CELF2: variants seen among roughly 807,000 people sequenced by gnomAD.
The protein encoded by CELF2 is CUG triplet repeat RNA-binding protein 2.
CELF2 carries 8 observed loss-of-function variants against 62.6 expected under a neutral mutation model. The observed-to-expected ratio is 0.13, with a 90% CI of 0.07 to 0.23. CELF2 has a LOEUF of 0.23. Ranked by LOEUF, CELF2 falls within the 10% of genes least tolerant of loss-of-function variation. The pLI is 1.00. For missense variants in CELF2, 333 were observed against 671.0 expected (o/e 0.50, Z 5.56); for synonymous variants, 258 against 250.0 (o/e 1.03, Z -0.30).
chr10:10,601,288 C>T, the CELF2 span, among the ~76,000 whole-genome samples: 27 of 152,274 alleles, frequency 1.8e-4, no homozygotes, highest in Admixed American at 5.2e-4. Context: ...TACAAAGTCA[C>T]TTAAAGTCAT....
chr10:11,233,161 A>G (rs1485444135), intron 3 of CELF2, among the ~76,000 whole-genome samples: 1 of 152,232 alleles, frequency 6.6e-6, no homozygotes, highest in Non-Finnish European at 1.5e-5. Flanking sequence ...ACTGATTTTT[A>G]AAAGGGCAGA....
chr10:10,878,283 C>T (rs540932840), intron 1 of CELF2, among the ~76,000 whole-genome samples: 22 of 152,324 alleles, frequency 1.4e-4, no homozygotes, highest in African/African-American at 4.3e-4. Context: ...CTTTCCTTTG[C>T]TTGGTTGAGG....
At chr10:10,898,986 A>T (rs569794275) in intron 1 of CELF2, among the ~76,000 whole-genome samples, 1 of 152,244 alleles carries the variant, frequency 6.6e-6, no homozygotes, top group African/African-American at 2.4e-5. Flanking sequence ...ACATTTCTGC[A>T]TAATGAATGG....
chr10:10,502,707 A>T, the CELF2 span, among the ~76,000 whole-genome samples: 4 of 151,712 alleles, frequency 2.6e-5, no homozygotes, highest in East Asian at 1.9e-4. Context: ...ATTGATTTTT[A>T]AAAAATAGCC....
At chr10:11,089,506 G>T (rs1307741478) in intron 1 of CELF2, among the ~76,000 whole-genome samples, 2 of 152,228 alleles carry the variant, frequency 1.3e-5, no homozygotes, top group African/African-American at 4.8e-5. Context: ...CCAAGAAGGG[G>T]AGGGACAGAC....
intron 1 of CELF2, among the ~76,000 whole-genome samples, chr10:11,045,484 C>G (rs958465131): frequency 6.6e-6 from 1 of 152,172 alleles, no homozygotes; most frequent in Non-Finnish European, 1.5e-5. Context: ...GGGTGAATAA[C>G]TGTAGCTACC....
At chr10:10,716,959 C>A in the CELF2 span, among the ~76,000 whole-genome samples, 1 of 152,012 alleles carries the variant, frequency 6.6e-6, no homozygotes, top group African/African-American at 2.4e-5. Context: ...CAGATAAAGC[C>A]CAGATATCTA....
At chr10:11,203,746 C>T (rs914647438) in intron 2 of CELF2, among the ~76,000 whole-genome samples, 8 of 152,216 alleles carry the variant, frequency 5.3e-5, no homozygotes, top group Admixed American at 4.6e-4. Flanking sequence ...AAGTTTGTCA[C>T]TTTCTTCCCA....
intron 1 of CELF2, among the ~76,000 whole-genome samples, chr10:10,858,327 AAG>A (rs1260547255): frequency 2.0e-5 from 3 of 152,254 alleles, no homozygotes; most frequent in East Asian, 3.9e-4. Context: ...AAAGAGTAGC[AAG>A]AGAGAGAATA....
chr10:11,178,935 G>C lies in CELF2; in HGVS notation c.271+13253G>C, dbSNP rs766420433. Among the ~76,000 whole-genome samples, 7 of 152,192 alleles carry C rather than the reference G, an allele frequency of 4.6e-5. No homozygotes were observed. Among genetic ancestry groups the C allele is most frequent in the Admixed American group, 3.9e-4 (6 of 15,276 alleles). On this transcript the variant is annotated intron_variant, in intron 2 of 12. Coordinates refer to ENST00000633077, the MANE Select transcript of CELF2 (RefSeq NM_001326342.2). This position sits in a 1 kb window ranked among gnomAD's most constrained non-coding sequence, Gnocchi z 4.3. ...TATTTTTAGAACACTTCAAAGTCAG[G>C]AAACCGTTAAACCACACTGCATCCT... is the stretch of plus-strand genomic sequence containing the variant.
intron 1 of CELF2, among the ~76,000 whole-genome samples, chr10:10,868,256 G>A (rs2133304269): frequency 6.6e-6 from 1 of 152,294 alleles, no homozygotes; most frequent in African/African-American, 2.4e-5. Context: ...TGTTGGCTAG[G>A]GCTGCAGCTA....
At chr10:10,695,102 C>T in the CELF2 span, among the ~76,000 whole-genome samples, 4 of 149,128 alleles carry the variant, frequency 2.7e-5, no homozygotes, top group Admixed American at 6.7e-5. Flanking sequence ...TTCCTAGTCT[C>T]GATGGTCTTT....
At chr10:11,126,364 C>T (rs769107207) in intron 1 of CELF2, among the ~76,000 whole-genome samples, 7 of 152,108 alleles carry the variant, frequency 4.6e-5, no homozygotes, top group Non-Finnish European at 1.0e-4. Context: ...AAAGTAGAAA[C>T]ACAACCCTTG....
At chr10:10,813,659 G>C (rs1237919132) in intron 1 of CELF2, among the ~76,000 whole-genome samples, 2 of 152,188 alleles carry the variant, frequency 1.3e-5, no homozygotes, top group African/African-American at 2.4e-5. Flanking sequence ...CTCCATGAAA[G>C]CACATGGTCT....
In CELF2 at chr10:11,165,029, A is replaced by G. The variant is rs1048187497; in HGVS notation, c.75-457A>G. The G allele has an allele frequency of 1.2e-5, 9 of 751,466 alleles. No individual in the cohort carries two copies. The African/African-American group carries it at 1.8e-4, about 15-fold the overall frequency. The allele number at this position is 751,466 out of a possible 1,614,324, so 46.5% of individuals were successfully genotyped here. On this transcript the variant is annotated intron_variant, in intron 1 of 12. Transcript: ENST00000633077. The surrounding 1 kb of genome is among the most constrained non-coding windows in gnomAD (Gnocchi z 7.4). ...CTCTCCTCTCTTCCAAAAACCTCCC[A>G]AAAAGGGCGGTGGGGCGGGGGGCGG...
chr10:10,483,961 T>C, the CELF2 span, among the ~76,000 whole-genome samples: 1 of 138,576 alleles, frequency 7.2e-6, no homozygotes, highest in African/African-American at 2.8e-5. Context: ...TCTCTCTCTC[T>C]CCCATCTCTC....
chr10:11,100,421 A>G (rs935498924), intron 1 of CELF2, among the ~76,000 whole-genome samples: 7 of 151,656 alleles, frequency 4.6e-5, no homozygotes, highest in African/African-American at 1.7e-4. Context: ...TTTTGGTTAC[A>G]TGGATAAGTC....
rs56373613 is a variant in CELF2 at position 11,202,901 on chromosome 10, ATCTCTCTCTCTCTCTCTCTCTCTC to A, written c.272-14496_272-14473del. The stretch of plus-strand genomic sequence containing the variant: ...TGCCTGCCTTCCCACCCCCATCCTC[ATCTCTCTCTCTCTCTCTCTCTCTC>A]TCTCTCTCTCTCTCTCTCTCTCTCT... On this transcript the variant is annotated intron_variant, in intron 2 of 12. Coordinates refer to ENST00000633077, the MANE Select transcript of CELF2 (RefSeq NM_001326342.2). Among the ~76,000 whole-genome samples the A allele has an allele frequency of 9.9e-5, 7 of 70,990 alleles. No individual in the cohort carries two copies. In the South Asian group the frequency reaches 2.1e-3, roughly 21 times the overall value. The allele number at this position is 70,990 out of a possible 152,430, so 46.6% of individuals were successfully genotyped here. A position where few individuals can be genotyped will look rare whatever the true frequency, so the allele number is the denominator to read the frequency against.
chr10:10,930,830 TCTTTA>T (rs1564837763), intron 2 of CELF2, among the ~76,000 whole-genome samples: 1 of 152,240 alleles, frequency 6.6e-6, no homozygotes, highest in Non-Finnish European at 1.5e-5. Context: ...AATATTCTCA[TCTTTA>T]CTTAATAACT....
Sources: gnomAD v4.1 joint callset for allele counts (sites outside exome capture counted in the v4.1 genomes callset) on GRCh38, gnomAD v4.1.1 for gene constraint, Gnocchi (gnomAD v3.1) non-coding constraint, MANE v1.5 for transcripts, NCBI Gene and HGNC (gene_info 2026-07-23, HGNC 2026-07-21) for gene names.